The following TMCC3 variants were observed in gnomAD, a reference collection of about 807,000 sequenced individuals.
The protein encoded by TMCC3 is transmembrane and coiled-coil domain family 3.
Under a neutral mutation model 40.2 loss-of-function variants are expected in TMCC3, and 28 were observed. That is an observed-to-expected ratio of 0.70 (90% CI 0.52 to 0.95). The LOEUF (loss-of-function observed/expected upper bound fraction) is 0.95, where lower values mean the gene tolerates loss of function less well. TMCC3 is among the 40% of genes least tolerant of loss of function. TMCC3 has a pLI of 0.00. For synonymous variants in TMCC3, 255 were observed against 248.5 expected (o/e 1.03, Z -0.25); for missense variants, 554 against 615.2 (o/e 0.90, Z 1.05).
At chr12:94,597,675 G>A (rs999440083) in intron 1 of TMCC3, among the ~76,000 whole-genome samples, 2 of 152,064 alleles carry the variant, frequency 1.3e-5, no homozygotes, top group Non-Finnish European at 2.9e-5. Flanking sequence ...GAATGGTGGT[G>A]CATGTCTATA....
chr12:94,581,804 C>T lies in TMCC3; in HGVS notation c.813G>A (p.Gln271=). Residue 271 remains glutamine (Q), a synonymous_variant, in exon 2 of 4, where the codon CAG becomes CAA. Transcript: ENST00000261226. ...TSGSADSNGN[Q]SFGAGGASTL... is the part of the protein sequence containing the mutation. ...TGCTGGCTCCACCAGCCCCAAACGA[C>T]TGGTTTCCGTTACTGTCGGCCGAGC... The T allele has an allele frequency of 6.2e-7, 1 of 1,614,154 alleles. No individual in the cohort carries two copies.
chr12:94,618,670 C>T (rs886738394), intron 1 of TMCC3, among the ~76,000 whole-genome samples: 1 of 152,264 alleles, frequency 6.6e-6, no homozygotes, highest in South Asian at 2.1e-4. Flanking sequence ...CAAGTTCCTC[C>T]TCGCTCACAT....
chr12:94,606,182 A>C (rs2068781631), intron 1 of TMCC3, among the ~76,000 whole-genome samples: 1 of 152,062 alleles, frequency 6.6e-6, no homozygotes, highest in Non-Finnish European at 1.5e-5. Context: ...GACTGTGAGA[A>C]CTCTCACTCA....
Position 94,570,099 on chromosome 12 carries a change from A to C in TMCC3, c.*1336T>G, listed in dbSNP as rs1013051080. On this transcript the variant is annotated 3_prime_UTR_variant, in exon 4 of 4. Transcript: ENST00000261226. ...TACCTCAGGACTTATGTTCAGTGAG[A>C]TGTTAAGAGACAGGTGGCAACCTTG... 2 of 152,182 alleles carry C rather than the reference A, an allele frequency of 1.3e-5. No homozygotes were observed. Among genetic ancestry groups the C allele is most frequent in the Non-Finnish European group, 2.9e-5 (2 of 68,014 alleles). The allele number at this position is 152,182 out of a possible 1,614,324, so 9.4% of individuals were successfully genotyped here. A position where few individuals can be genotyped will look rare whatever the true frequency, so the allele number is the denominator to read the frequency against.
intron 1 of TMCC3, among the ~76,000 whole-genome samples, chr12:94,605,894 A>G (rs2068779743): frequency 6.6e-6 from 1 of 152,182 alleles, no homozygotes; most frequent in Non-Finnish European, 1.5e-5. Flanking sequence ...GACATCCCAG[A>G]TTCTCCTGAA....
At chr12:94,577,345 C>T (rs1338246373) in intron 3 of TMCC3, among the ~76,000 whole-genome samples, 3 of 152,090 alleles carry the variant, frequency 2.0e-5, no homozygotes, top group Non-Finnish European at 2.9e-5. Flanking sequence ...TGTGCCATCA[C>T]GCCTGGCTAA....
intron 1 of TMCC3, among the ~76,000 whole-genome samples, chr12:94,604,705 G>A (rs1451934381): frequency 6.7e-6 from 1 of 148,460 alleles, no homozygotes; most frequent in Non-Finnish European, 1.5e-5. Context: ...TTGAGAGGCT[G>A]AGGTGGGAGG....
At chr12:94,582,954 A>C (rs944092876) in intron 1 of TMCC3, among the ~76,000 whole-genome samples, 1 of 147,846 alleles carries the variant, frequency 6.8e-6, no homozygotes, top group African/African-American at 2.5e-5. Flanking sequence ...CTCACTTAAT[A>C]GAAGGAGAAT....
chr12:94,616,144 T>A (rs2068846878), intron 1 of TMCC3: 1 of 963,220 alleles, frequency 1.0e-6, no homozygotes, highest in Non-Finnish European at 1.2e-6. Context: ...AATACAAATG[T>A]CAGTAATAAT....
At chr12:94,599,565 C>T (rs961181358) in intron 1 of TMCC3, among the ~76,000 whole-genome samples, 3 of 133,632 alleles carry the variant, frequency 2.2e-5, no homozygotes, top group Non-Finnish European at 4.9e-5. Flanking sequence ...TACCCCCCCC[C>T]CCGCCCACAC....
intron 1 of TMCC3, among the ~76,000 whole-genome samples, chr12:94,599,566 C>CA (rs1566323309): frequency 6.9e-6 from 1 of 144,232 alleles, no homozygotes; most frequent in Admixed American, 7.0e-5. Flanking sequence ...ACCCCCCCCC[C>CA]CGCCCACACA....
At chr12:94,599,338 G>C (rs1044313950) in intron 1 of TMCC3, among the ~76,000 whole-genome samples, 2 of 152,130 alleles carry the variant, frequency 1.3e-5, no homozygotes, top group Non-Finnish European at 2.9e-5. Flanking sequence ...TGATGCTGCT[G>C]TCACCATCAT....
intron 1 of TMCC3, among the ~76,000 whole-genome samples, chr12:94,614,639 T>C (rs892696171): frequency 2.2e-4 from 34 of 152,294 alleles, no homozygotes; most frequent in African/African-American, 7.9e-4. Context: ...TTTATTCCAA[T>C]TGAAACTGTG....
chr12:94,598,411 A>T (rs1336571263), intron 1 of TMCC3: 1 of 170,332 alleles, frequency 5.9e-6, no homozygotes, highest in Admixed American at 6.5e-5. Context: ...TGTATGATAG[A>T]GAAACAGAAG....
intron 1 of TMCC3, among the ~76,000 whole-genome samples, chr12:94,594,055 A>G (rs1251352621): frequency 1.3e-5 from 2 of 152,126 alleles, no homozygotes; most frequent in African/African-American, 4.8e-5. Flanking sequence ...AAAAAAGGCA[A>G]CTTCTAAGAG....
chr12:94,590,886 G>A (rs1241944418), intron 1 of TMCC3: 3 of 578,128 alleles, frequency 5.2e-6, no homozygotes, highest in African/African-American at 3.8e-5. Flanking sequence ...ATGTTATCGG[G>A]CTCAGCCTAG....
Position 94,616,594 on chromosome 12 carries a change from G to A in TMCC3, c.78+33759C>T, listed in dbSNP as rs553608277. Among the ~76,000 whole-genome samples, 24 of 152,350 alleles carry A rather than the reference G, an allele frequency of 1.6e-4. No homozygotes were observed. The South Asian group carries it at 4.1e-3, about 26-fold the overall frequency. ...AGCCGCCTCCTGGCGTAGTGGCCGG[G>A]GGAGAGACACAATGACAGCCACTGA... On this transcript the variant is annotated intron_variant, in intron 1 of 3. Transcript: ENST00000261226.
At chr12:94,604,426 C>A (rs1232750396) in intron 1 of TMCC3, among the ~76,000 whole-genome samples, 2 of 152,028 alleles carry the variant, frequency 1.3e-5, no homozygotes, top group African/African-American at 2.4e-5. Flanking sequence ...GAACTAAGTC[C>A]TGTGCTGAAA....
intron 1 of TMCC3, among the ~76,000 whole-genome samples, chr12:94,617,495 C>A (rs1157915452): frequency 1.3e-5 from 2 of 152,200 alleles, no homozygotes; most frequent in African/African-American, 4.8e-5. Flanking sequence ...ATATTTTCCT[C>A]TTGCCCTTTT....
Sources: gnomAD v4.1 joint callset for allele counts (sites outside exome capture counted in the v4.1 genomes callset) on GRCh38, gnomAD v4.1.1 for gene constraint, MANE v1.5 for transcripts, NCBI Gene and HGNC (gene_info 2026-07-23, HGNC 2026-07-21) for gene names.